The following SMAD6 variants were observed in gnomAD, a reference collection of about 807,000 sequenced individuals.
The protein encoded by SMAD6 is SMAD family member 6.
SMAD6 carries 103 observed loss-of-function variants against 39.4 expected under a neutral mutation model. The ratio of observed to expected loss-of-function variants is 2.62; its 90% CI spans 2.23 to 3.08. The LOEUF (loss-of-function observed/expected upper bound fraction) is 3.08, where lower values mean the gene tolerates loss of function less well. SMAD6 is among the 30% of genes most tolerant of loss of function. The pLI is 0.00. For missense variants in SMAD6, 1,104 were observed against 742.9 expected (o/e 1.49, Z -5.65); for synonymous variants, 445 against 353.3 (o/e 1.26, Z -2.91).
intron 2 of SMAD6, among the ~76,000 whole-genome samples, chr15:66,712,795 C>A (rs561553579): frequency 6.6e-6 from 1 of 152,008 alleles, no homozygotes; most frequent in African/African-American, 2.4e-5. Flanking sequence ...TTGCTTGAAG[C>A]CAGAAGTTCC....
At chr15:66,745,497 TC>T (rs1299924272) in intron 3 of SMAD6, among the ~76,000 whole-genome samples, 5 of 151,838 alleles carry the variant, frequency 3.3e-5, no homozygotes, top group Non-Finnish European at 2.9e-5. Flanking sequence ...AAACTCCCCT[TC>T]CCCACGGGTC....
At chr15:66,764,910 T>C (rs2099193769) in intron 3 of SMAD6, among the ~76,000 whole-genome samples, 1 of 152,196 alleles carries the variant, frequency 6.6e-6, no homozygotes, top group African/African-American at 2.4e-5. Flanking sequence ...CTTTTAGGAA[T>C]TAAAGACACT....
rs1355117340 is a variant in SMAD6, at chr15:66,764,648, GGTT to G, written c.953-16347_953-16345del. Among the ~76,000 whole-genome samples, 4 of 152,202 alleles carry G rather than the reference GGTT, an allele frequency of 2.6e-5. No individual in the cohort carries two copies. In the East Asian group the frequency reaches 7.7e-4, roughly 29 times the overall value. ...ACAGCTCGGTGGATACTGTGGGTAA[GGTT>G]GACATACTGTAAGCTGTGTATGGGC... is the stretch of plus-strand genomic sequence containing the variant. On this transcript the variant is annotated intron_variant, in intron 3 of 3. Coordinates refer to ENST00000288840, the MANE Select transcript of SMAD6 (RefSeq NM_005585.5).
At chr15:66,769,977 G>A (rs1413082995) in intron 3 of SMAD6, among the ~76,000 whole-genome samples, 1 of 152,280 alleles carries the variant, frequency 6.6e-6, no homozygotes, top group African/African-American at 2.4e-5. Flanking sequence ...ACAGGCATCC[G>A]CCACCACGCC....
At chr15:66,717,250 C>A (rs756789825) in intron 3 of SMAD6, 37 of 684,048 alleles carry the variant, frequency 5.4e-5, no homozygotes, top group South Asian at 3.2e-4. Flanking sequence ...GGACTGACAG[C>A]CCCTCAGGCT....
intron 3 of SMAD6, among the ~76,000 whole-genome samples, chr15:66,721,264 C>A (rs1171742613): frequency 6.6e-6 from 1 of 152,122 alleles, no homozygotes; most frequent in African/African-American, 2.4e-5. Flanking sequence ...TGCCGTTTGC[C>A]CATTTCCGGG....
At chr15:66,775,277 A>G (rs1412347056) in intron 3 of SMAD6, among the ~76,000 whole-genome samples, 1 of 152,060 alleles carries the variant, frequency 6.6e-6, no homozygotes, top group Non-Finnish European at 1.5e-5. Context: ...TGCCCTTCAG[A>G]TTCATGCACC....
chr15:66,708,735 CAAAG>C, intron 1 of SMAD6: 1 of 471,510 alleles, frequency 2.1e-6, no homozygotes, highest in African/African-American at 2.0e-5. Context: ...CATAGAGACA[CAAAG>C]TAAGTTAGTG....
At chr15:66,749,819 C>G (rs966106325) in intron 3 of SMAD6, among the ~76,000 whole-genome samples, 2 of 152,106 alleles carry the variant, frequency 1.3e-5, no homozygotes, top group Non-Finnish European at 2.9e-5. Flanking sequence ...GAGGACTGAC[C>G]CCAGGTGGCA....
In SMAD6 at chr15:66,756,044, AC is replaced by A. The variant is rs556677073; in HGVS notation, c.953-24952del. On this transcript the variant is annotated intron_variant, in intron 3 of 3. Coordinates refer to ENST00000288840, the MANE Select transcript of SMAD6 (RefSeq NM_005585.5). The stretch of plus-strand genomic sequence containing the variant: ...GTCATTTTGGTTAAAAAAAAAAAAA[AC>A]TAATTAGAGGTGACAATGGTGACTT... Among the ~76,000 whole-genome samples, 1,208 of 150,772 alleles carry A rather than the reference AC, an allele frequency of 8.0e-3. 13 individuals are homozygous for A. The highest frequency in any genetic ancestry group is 0.026 in the African/African-American group (1,070 of 40,886).
At chr15:66,744,641 C>T (rs1893876275) in intron 3 of SMAD6, among the ~76,000 whole-genome samples, 1 of 152,254 alleles carries the variant, frequency 6.6e-6, no homozygotes, top group Non-Finnish European at 1.5e-5. Context: ...TGGCTGGCTA[C>T]ACCCCCTAAG....
At chr15:66,743,390 G>A (rs868838975) in intron 3 of SMAD6, among the ~76,000 whole-genome samples, 5 of 148,564 alleles carry the variant, frequency 3.4e-5, no homozygotes, top group Non-Finnish European at 6.0e-5. Context: ...TTCTGCATCT[G>A]TAAAATGGGT....
At chr15:66,722,199 A>G (rs2439394) in intron 3 of SMAD6, among the ~76,000 whole-genome samples, 31,302 of 152,220 alleles carry the variant, frequency 0.21, 3,496 homozygotes, top group African/African-American at 0.3. Context: ...ACACCTGACC[A>G]ATAGCAGGGC....
intron 3 of SMAD6, among the ~76,000 whole-genome samples, chr15:66,757,359 T>A (rs1567109381): frequency 6.6e-6 from 1 of 152,044 alleles, no homozygotes; most frequent in Non-Finnish European, 1.5e-5. Context: ...AGCTTGGGGA[T>A]CCCCTCCAGC....
At chr15:66,721,238 C>T (rs939459624) in intron 3 of SMAD6, among the ~76,000 whole-genome samples, 1 of 152,108 alleles carries the variant, frequency 6.6e-6, no homozygotes, top group Non-Finnish European at 1.5e-5. Context: ...ACCTGCCACT[C>T]GGTAGCACCT....
At chr15:66,711,813 G>C in intron 2 of SMAD6, 89 bp downstream of exon 2, 1 of 986,982 alleles carries the variant, frequency 1.0e-6, no homozygotes, top group Non-Finnish European at 1.6e-6. Context: ...CAGGGCTGGA[G>C]GGCTGGAGGG....
In SMAD6 at chr15:66,703,298, T is replaced by C. The variant is rs1353173742; in HGVS notation, c.40T>C (p.Trp14Arg). The C allele has an allele frequency of 6.7e-6, 10 of 1,491,660 alleles. No individual in the cohort carries two copies. Among genetic ancestry groups the C allele is most frequent in the Admixed American group, 2.3e-5 (1 of 43,074 alleles). 92.4% of individuals were successfully genotyped at this position (1,491,660 alleles called of 1,614,324 possible). The part of the protein sequence containing the change: ...SKRSGLVRRL[W>R]RSRVVPDREE... Reference sequence around the variant, plus strand: ...ACGCTCGGGGCTGGTGCGGCGACTTTGGCGAAGTCGTGTGGTCCCCGACCG... The same window carrying C: ...ACGCTCGGGGCTGGTGCGGCGACTTCGGCGAAGTCGTGTGGTCCCCGACCG... Residue 14 changes from tryptophan (W) to arginine (R), a missense_variant, in exon 1 of 4, where the codon TGG (tryptophan) becomes CGG (arginine). Trp to Arg is a moderately radical substitution (Grantham distance 101). Coordinates refer to ENST00000288840, the MANE Select transcript of SMAD6 (RefSeq NM_005585.5).
Position 66,779,089 on chromosome 15 carries a change from G to A in SMAD6, c.953-1908G>A, listed in dbSNP as rs927211562. Among the ~76,000 whole-genome samples the A allele has an allele frequency of 2.0e-5, 3 of 151,992 alleles. No homozygotes were observed. The South Asian group carries it at 6.2e-4, about 31-fold the overall frequency. ...TGTGCCAGGTAGATGGCTGGGGAGA[G>A]GGGCACTGGAGTGGGGTGGCTGGGG... On this transcript the variant is annotated intron_variant, in intron 3 of 3. Transcript: ENST00000288840.
At chr15:66,764,087 T>C (rs1894250362) in intron 3 of SMAD6, among the ~76,000 whole-genome samples, 1 of 152,242 alleles carries the variant, frequency 6.6e-6, no homozygotes, top group Non-Finnish European at 1.5e-5. Context: ...TTGGAAAGGA[T>C]ACTGTCTAAG....
Sources: gnomAD v4.1 joint callset for allele counts (sites outside exome capture counted in the v4.1 genomes callset) on GRCh38, gnomAD v4.1.1 for gene constraint, MANE v1.5 for transcripts, NCBI Gene and HGNC (gene_info 2026-07-23, HGNC 2026-07-21) for gene names.